Variants in GLIS3 observed in about 807,000 individuals in gnomAD.
GLIS3 encodes the protein GLIS family zinc finger 3.
A neutral mutation model predicts 78.6 loss-of-function variants in GLIS3; 53 were observed. The ratio of observed to expected loss-of-function variants is 0.67; its 90% confidence interval spans 0.54 to 0.85. The LOEUF (loss-of-function observed/expected upper bound fraction) is 0.85, where lower values mean the gene tolerates loss of function less well. GLIS3 is among the 40% of genes least tolerant of loss of function. GLIS3 has a pLI of 0.00. For missense variants in GLIS3, 1,703 were observed against 1,231.1 expected, an observed-to-expected ratio of 1.38 and a Z score of -5.74; for synonymous variants, 684 against 509.9, an observed-to-expected ratio of 1.34 and a Z score of -4.60.
At chr9:3,942,367 AC>A (rs1815989263) in intron 4 of GLIS3, among the ~76,000 whole-genome samples, 2 of 152,210 alleles carry the variant, frequency 1.3e-5, no homozygotes, top group Admixed American at 1.3e-4. Flanking sequence ...GAACTGACTG[AC>A]GAAGTATATG....
At chr9:4,253,834 C>G (rs1457773706) in intron 2 of GLIS3, among the ~76,000 whole-genome samples, 1 of 152,194 alleles carries the variant, frequency 6.6e-6, no homozygotes, top group Non-Finnish European at 1.5e-5. Flanking sequence ...AGCACAGTCC[C>G]TCATGGCTTC....
chr9:4,303,102 G>C (rs540086246), upstream of GLIS3, among the ~76,000 whole-genome samples: 1 of 140,068 alleles, frequency 7.1e-6, no homozygotes, highest in South Asian at 2.7e-4. Context: ...TGCTATTTGA[G>C]TCACCCTGAG....
the GLIS3 span, among the ~76,000 whole-genome samples, chr9:4,396,930 C>T: frequency 1.3e-5 from 2 of 152,030 alleles, no homozygotes; most frequent in South Asian, 2.1e-4. Context: ...GGAAAACGCC[C>T]AGGCACTGTT....
chr9:3,904,518 T>C (rs672918), intron 6 of GLIS3, among the ~76,000 whole-genome samples: 137,249 of 152,090 alleles, frequency 0.9, 62,609 homozygotes, highest in East Asian at 1. Context: ...TGAGTCTCTT[T>C]TTCTGGAGAA....
intron 2 of GLIS3, among the ~76,000 whole-genome samples, chr9:4,327,439 G>A (rs1359691947): frequency 6.6e-6 from 1 of 152,196 alleles, no homozygotes; most frequent in Non-Finnish European, 1.5e-5. Context: ...GGGTCCTGCA[G>A]TAGTCCAGGT....
intron 8 of GLIS3, among the ~76,000 whole-genome samples, chr9:3,873,915 T>C (rs911169757): frequency 2.0e-5 from 3 of 152,180 alleles, no homozygotes; most frequent in Admixed American, 6.5e-5. Context: ...TATTTTCTGC[T>C]GCTGATTCAT....
intron 4 of GLIS3, among the ~76,000 whole-genome samples, chr9:4,040,119 T>C (rs1389179241): frequency 6.6e-6 from 1 of 152,188 alleles, no homozygotes; most frequent in Non-Finnish European, 1.5e-5. Flanking sequence ...GGTACTTAAC[T>C]GGCCAAATAT....
At position 3,879,433 on chromosome 9, in the gene GLIS3, G is replaced by C; in HGVS notation, c.2291C>G (p.Ala764Gly). 1.2e-6 allele frequency: 2 copies of C among 1,614,110 alleles called. No homozygotes were observed. The highest frequency in any genetic ancestry group is 1.7e-6 in the Non-Finnish European group (2 of 1,179,982). The stretch of plus-strand genomic sequence containing the variant: ...GAGAGACAGATGGCCTTACCTCTCA[G>C]CTCCTGCGTCCACAGCTGTGAGTGG... ...LPPLTAVDAG[A>G]ERFAPSAPSP... The change falls in exon 8 of 11, where the codon GCT becomes GGT. Residue 764 changes from alanine (A) to glycine (G), a missense_variant. By Grantham distance (60) the Ala-to-Gly change is moderately conservative. Coordinates refer to ENST00000381971, the MANE Select transcript of GLIS3 (RefSeq NM_001042413.2).
At chr9:4,119,760 A>T (rs539510269) in intron 3 of GLIS3, among the ~76,000 whole-genome samples, 2 of 152,288 alleles carry the variant, frequency 1.3e-5, no homozygotes, top group African/African-American at 4.8e-5. Context: ...AACACACCCT[A>T]TGTCTCACAA....
At chr9:4,366,955 T>C in the GLIS3 span, among the ~76,000 whole-genome samples, 1 of 151,864 alleles carries the variant, frequency 6.6e-6, no homozygotes, top group Non-Finnish European at 1.5e-5. Context: ...TTCTGCCACT[T>C]TCCAGCAGAA....
intron 2 of GLIS3, among the ~76,000 whole-genome samples, chr9:4,268,175 C>G (rs7019761): frequency 0.78 from 118,202 of 152,024 alleles, 46,340 homozygotes; most frequent in African/African-American, 0.84. Flanking sequence ...TATGACCTTG[C>G]GAAAATTACT....
At chr9:3,843,648 T>C (rs1192467883) in intron 9 of GLIS3, among the ~76,000 whole-genome samples, 1 of 152,046 alleles carries the variant, frequency 6.6e-6, no homozygotes, top group African/African-American at 2.4e-5. Flanking sequence ...TATGTAAGAG[T>C]GATTTATAAA....
At chr9:4,429,716 G>A in the GLIS3 span, among the ~76,000 whole-genome samples, 1 of 152,222 alleles carries the variant, frequency 6.6e-6, no homozygotes, top group East Asian at 1.9e-4. Context: ...TGAATCCCCA[G>A]CTCTGTGTCA....
At chr9:4,074,971 G>A (rs1395744780) in intron 4 of GLIS3, among the ~76,000 whole-genome samples, 3 of 152,088 alleles carry the variant, frequency 2.0e-5, no homozygotes, top group Non-Finnish European at 4.4e-5. Context: ...CATAGTTAGG[G>A]AGCAGCATAG....
At chr9:4,170,290 C>G (rs1816260552) in intron 2 of GLIS3, among the ~76,000 whole-genome samples, 1 of 152,208 alleles carries the variant, frequency 6.6e-6, no homozygotes, top group Admixed American at 6.5e-5. Flanking sequence ...CTCTTTTGGA[C>G]ACAGACTTGG....
At chr9:3,889,934 A>AAGACT (rs758664969) in intron 7 of GLIS3, among the ~76,000 whole-genome samples, 10 of 152,208 alleles carry the variant, frequency 6.6e-5, no homozygotes, top group Non-Finnish European at 1.3e-4. Context: ...CCATCATGAA[A>AAGACT]AGACTAGGGA....
chr9:3,837,926 G>C (rs186228771), intron 9 of GLIS3, among the ~76,000 whole-genome samples: 4 of 151,736 alleles, frequency 2.6e-5, no homozygotes, highest in African/African-American at 9.7e-5. Flanking sequence ...TGTCATTGTA[G>C]GTTTATTGAT....
rs1239704764 is a variant in GLIS3, at chr9:4,118,824, C to A, written c.654G>T (p.Gln218His). ...ACTCCTGCTTCATGCTTGAGGCCGA[C>A]TGACTTTCCGTCAGACTCAAGGTCG... Reference protein sequence around the residue: ...ASTTLSLTESQSASSMKQEWS... With the variant: ...ASTTLSLTESHSASSMKQEWS... The change falls in exon 4 of 11, where the codon CAG becomes CAT. Residue 218 changes from glutamine to histidine, a missense_variant. Physicochemically the swap from Gln to His is conservative, Grantham distance 24 (BLOSUM62 0). Coordinates refer to ENST00000381971, the MANE Select transcript of GLIS3 (RefSeq NM_001042413.2). This position sits in a 1 kb window ranked among gnomAD's most constrained non-coding sequence, Gnocchi z 4.7. The A allele has an allele frequency of 3.1e-6, 5 of 1,607,174 alleles. No individual in the cohort carries two copies. The highest frequency in any genetic ancestry group is 4.5e-5 in the East Asian group (2 of 44,858).
At position 3,825,206 on chromosome 9, in the gene GLIS3, G is replaced by A. The variant is rs953300011; in HGVS notation, c.*3066C>T. 6.6e-6 allele frequency: 1 copy of A among 152,000 alleles called. No individual in the cohort carries two copies. The highest frequency in any genetic ancestry group is 1.5e-5 in the Non-Finnish European group (1 of 67,990). The allele number at this position is 152,000 out of a possible 1,614,324, so 9.4% of individuals were successfully genotyped here. On this transcript the variant is annotated 3_prime_UTR_variant, in exon 11 of 11. Coordinates refer to ENST00000381971, the MANE Select transcript of GLIS3 (RefSeq NM_001042413.2). Reference sequence around the variant, plus strand: ...GAACAAAGCCAACACTCTTATCAGTGGTAACTCTGCTGTGATCTACTAAAG... The same window carrying A: ...GAACAAAGCCAACACTCTTATCAGTAGTAACTCTGCTGTGATCTACTAAAG...
Sources: allele counts gnomAD v4.1 joint callset (sites outside exome capture counted in the v4.1 genomes callset), GRCh38; gene constraint gnomAD v4.1.1; non-coding constraint Gnocchi (gnomAD v3.1); transcripts MANE v1.5; gene names NCBI Gene and HGNC (gene_info 2026-07-23, HGNC 2026-07-21).